The following DBF4B variants were observed in gnomAD, a reference collection of about 807,000 sequenced individuals.
The protein encoded by DBF4B is DBF4B-CDC7 kinase regulatory subunit.
In DBF4B, 49 loss-of-function variants were observed where a neutral mutation model predicts 53.4. The observed-to-expected ratio is 0.92, with a 90% CI of 0.73 to 1.16. The LOEUF (loss-of-function observed/expected upper bound fraction) is 1.16, where lower values mean the gene tolerates loss of function less well. DBF4B is among the 50% of genes most tolerant of loss of function. The pLI is 0.00. For synonymous variants in DBF4B, 257 were observed against 288.7 expected, an observed-to-expected ratio of 0.89 and a Z score of 1.11; for missense variants, 692 against 775.0, an observed-to-expected ratio of 0.89 and a Z score of 1.27.
intron 10 of DBF4B, among the ~76,000 whole-genome samples, chr17:44,744,302 C>T (rs1976394797): frequency 6.6e-6 from 1 of 151,740 alleles, no homozygotes; most frequent in African/African-American, 2.4e-5. Context: ...GTCTAAGCTA[C>T]TCAGGAGGCT....
intron 4 of DBF4B, 147 bp from the exon 5 acceptor site, chr17:44,730,818 C>T (rs1198715219): frequency 2.6e-6 from 2 of 783,134 alleles, no homozygotes; most frequent in South Asian, 1.8e-5. Flanking sequence ...TCTAGGCTCT[C>T]ATTTCTACCA....
At chr17:44,738,976 C>T (rs559870651) in intron 9 of DBF4B, among the ~76,000 whole-genome samples, 1 of 152,304 alleles carries the variant, frequency 6.6e-6, no homozygotes, top group East Asian at 1.9e-4. Context: ...TGAGGAGAGC[C>T]CATCTCTTCC....
Position 44,732,236 on chromosome 17 carries a change from C to T in DBF4B, c.527C>T (p.Ser176Phe). The T allele has an allele frequency of 6.2e-7, 1 of 1,614,114 alleles. No individual in the cohort carries two copies. Among genetic ancestry groups the T allele is most frequent in the Non-Finnish European group, 8.5e-7 (1 of 1,180,010 alleles). ...GSSSLLTNAR[S>F]WGVRILHVDE... ...AGCAGCCTCCTGACCAATGCCCGCTCTTGGGGAGTGAGGATTCTGCACGTG... is the reference window on the plus strand; with the variant it reads ...AGCAGCCTCCTGACCAATGCCCGCTTTTGGGGAGTGAGGATTCTGCACGTG... Residue 176 changes from serine to phenylalanine, a missense_variant, in exon 6 of 14, where the codon TCT becomes TTT. Around this residue, in one of 3 missense-constraint regions of DBF4B, gnomAD observed 597 missense variants for 665.8 expected, o/e 0.90. Coordinates refer to ENST00000315005, the MANE Select transcript of DBF4B (RefSeq NM_145663.3).
At position 44,738,420 on chromosome 17, in the gene DBF4B, A is replaced by G; in HGVS notation, c.709A>G (p.Ser237Gly). The G allele has an allele frequency of 6.2e-7, 1 of 1,613,730 alleles. No individual in the cohort carries two copies. Among genetic ancestry groups the G allele is most frequent in the East Asian group, 2.2e-5 (1 of 44,884 alleles). ...CCCGTTCCTCAAAATCGAAGATGAA[A>G]GCAGGTGAGTGGGACCTCCTTTCTC... ...KAPFLKIEDE[S>G]RKFRPFHHQF... Residue 237 changes from serine to glycine, a missense_variant, in exon 9 of 14, where the codon AGC becomes GGC. Transcript: ENST00000315005.
In DBF4B at chr17:44,714,859, A is replaced by AT. The variant is rs1466619250; in HGVS notation, c.82+5501dup. Among the ~76,000 whole-genome samples the AT allele has an allele frequency of 1.3e-4, 20 of 151,074 alleles. No individual in the cohort carries two copies. In the East Asian group the frequency reaches 2.7e-3, roughly 21 times the overall value. On this transcript the variant is annotated intron_variant, in intron 2 of 13. Coordinates refer to ENST00000315005, the MANE Select transcript of DBF4B (RefSeq NM_145663.3). ...CTACCATGCCCAGCTTATTATTATT[A>AT]TTTTTTTTAATGGGCAGCCCCCAAA...
intron 7 of DBF4B, among the ~76,000 whole-genome samples, chr17:44,735,078 C>T (rs777089611): frequency 1.7e-4 from 26 of 151,968 alleles, no homozygotes; most frequent in Non-Finnish European, 3.4e-4. Context: ...CCAGCCTAGG[C>T]GACAGCAAAA....
intron 8 of DBF4B, 113 bp from the exon 9 acceptor site, chr17:44,738,266 G>A (rs1229255736): frequency 5.0e-6 from 6 of 1,197,166 alleles, no homozygotes; most frequent in Admixed American, 4.5e-5. Context: ...TCCAGCTCTT[G>A]CAAGGCTCTT....
At chr17:44,729,623 C>G (rs893093284) in intron 3 of DBF4B, among the ~76,000 whole-genome samples, 1 of 151,694 alleles carries the variant, frequency 6.6e-6, no homozygotes, top group Non-Finnish European at 1.5e-5. Flanking sequence ...ACTCAAAGCC[C>G]GCAGCCTTCT....
At chr17:44,732,507 A>G in intron 6 of DBF4B, 1 of 495,412 alleles carries the variant, frequency 2.0e-6, no homozygotes. Context: ...GTTTCATGTC[A>G]CCTGCTACAG....
intron 2 of DBF4B, among the ~76,000 whole-genome samples, chr17:44,712,301 C>CTTTTTTT (rs1163777667): frequency 6.5e-4 from 47 of 71,934 alleles, no homozygotes; most frequent in East Asian, 1.3e-3. Context: ...ATTATGTCTT[C>CTTTTTTT]TTTTTTTTTT....
chr17:44,752,257 G>C lies in DBF4B; in HGVS notation c.*1004G>C. ...ACCCTTTCCAATAATAAAATACTGT[G>C]ACTGCCAGCAAATCTTTTATGTCTT... is the stretch of plus-strand genomic sequence containing the variant. On this transcript the variant is annotated 3_prime_UTR_variant, in exon 14 of 14. Transcript: ENST00000315005. The C allele has an allele frequency of 2.3e-6, 1 of 433,224 alleles. No homozygotes were observed. The highest frequency in any genetic ancestry group is 4.3e-6 in the Non-Finnish European group (1 of 234,644). The allele number at this position is 433,224 out of a possible 1,614,324, so 26.8% of individuals were successfully genotyped here.
chr17:44,710,172 CA>C (rs1239677282), intron 2 of DBF4B, among the ~76,000 whole-genome samples: 1 of 149,196 alleles, frequency 6.7e-6, no homozygotes, highest in Non-Finnish European at 1.5e-5. Flanking sequence ...GACTCCGTCT[CA>C]AAAAAAAGAA....
intron 9 of DBF4B, among the ~76,000 whole-genome samples, chr17:44,740,069 AT>A (rs372660771): frequency 2.1e-4 from 31 of 149,938 alleles, no homozygotes; most frequent in Non-Finnish European, 2.4e-4. Flanking sequence ...GCCTCTTGTG[AT>A]TTTTTTTTTA....
intron 10 of DBF4B, among the ~76,000 whole-genome samples, chr17:44,744,203 C>T (rs1976381973): frequency 1.3e-5 from 2 of 150,446 alleles, no homozygotes; most frequent in East Asian, 2.0e-4. Context: ...CTTGAGCTCA[C>T]GAGTTTGAGA....
chr17:44,732,429 G>A (rs748276182), intron 6 of DBF4B, 164 bp downstream of exon 6: 65 of 772,400 alleles, frequency 8.4e-5, no homozygotes, highest in Non-Finnish European at 1.3e-4. Context: ...GGGGAAGGGG[G>A]AAAGCGGTGA....
chr17:44,718,377 C>T (rs1435300072), intron 2 of DBF4B, among the ~76,000 whole-genome samples: 2 of 150,238 alleles, frequency 1.3e-5, no homozygotes, highest in Non-Finnish European at 3.0e-5. Context: ...GAGCCGAGAT[C>T]GCACCACTGC....
chr17:44,742,248 A>G (rs1276334927), intron 10 of DBF4B, among the ~76,000 whole-genome samples: 2 of 151,072 alleles, frequency 1.3e-5, no homozygotes, highest in Non-Finnish European at 2.9e-5. Context: ...CTAAAAATGC[A>G]ACAAAAAAAA....
At chr17:44,714,973 T>G (rs1973204481) in intron 2 of DBF4B, among the ~76,000 whole-genome samples, 1 of 152,140 alleles carries the variant, frequency 6.6e-6, no homozygotes, top group African/African-American at 2.4e-5. Context: ...AATCCTGTCT[T>G]TCTCTTCAGT....
chr17:44,734,147 A>G lies in DBF4B; in HGVS notation c.614A>G (p.Gln205Arg). ...SLASLCVKKQ[Q>R]PKKPEGTCPA... is the part of the protein sequence containing the mutation. ...GCGTCTTTATGTGTGAAAAAACAAC[A>G]GCCAAAGAAGCCAGAGGTAGGTCAT... The change falls in exon 7 of 14, where the codon CAG (glutamine) becomes CGG (arginine). Residue 205 changes from glutamine (Q) to arginine (R), a missense_variant. This residue lies in a region of DBF4B where 597 missense variants were observed against 665.8 expected (regional missense o/e 0.90). Transcript: ENST00000315005. 1 of 1,614,236 alleles carries G rather than the reference A, an allele frequency of 6.2e-7. No individual in the cohort carries two copies. The highest frequency in any genetic ancestry group is 8.5e-7 in the Non-Finnish European group (1 of 1,180,048).
Sources: gnomAD v4.1 joint callset for allele counts (sites outside exome capture counted in the v4.1 genomes callset) on GRCh38, gnomAD v4.1.1 for gene constraint, gnomAD v4.1.1 regional missense constraint, MANE v1.5 for transcripts, NCBI Gene and HGNC (gene_info 2026-07-23, HGNC 2026-07-21) for gene names.